The following PCDHGA1 variants were observed in gnomAD, a reference collection of about 807,000 sequenced individuals.
PCDHGA1 encodes the protein protocadherin gamma subfamily A, 1.
Under a neutral mutation model 58.0 loss-of-function variants are expected in PCDHGA1, and 32 were observed. That is an observed-to-expected ratio of 0.55 (90% confidence interval 0.42 to 0.74). The LOEUF (loss-of-function observed/expected upper bound fraction) is 0.74, where lower values mean the gene tolerates loss of function less well. Among genes scored for constraint, PCDHGA1 ranks in the 30% least tolerant of loss-of-function variants. PCDHGA1 has a pLI of 0.00. For synonymous variants in PCDHGA1, 498 were observed against 501.1 expected (o/e 0.99, Z 0.08); for missense variants, 1,205 against 1,182.3 (o/e 1.02, Z -0.28).
In PCDHGA1 at chr5:141,511,580, G is replaced by A. The variant is rs1436011320; in HGVS notation, c.*407G>A. ...CTCTTTCCCGAGTAAGGTGGTTGGG[G>A]TGTTGAAGTACCAAGTAACCTACAA... On this transcript the variant is annotated 3_prime_UTR_variant, in exon 4 of 4. Coordinates refer to ENST00000517417, the MANE Select transcript of PCDHGA1 (RefSeq NM_018912.3). 2 of 282,206 alleles carry A rather than the reference G, an allele frequency of 7.1e-6. No individual in the cohort carries two copies. Among genetic ancestry groups the A allele is most frequent in the Admixed American group, 4.6e-5 (1 of 21,516 alleles). The allele number at this position is 282,206 out of a possible 1,614,324, so 17.5% of individuals were successfully genotyped here.
intron 1 of PCDHGA1, chr5:141,388,735 C>A: frequency 6.2e-7 from 1 of 1,613,974 alleles, no homozygotes; most frequent in East Asian, 2.2e-5. Context: ...TTCAGTGAAG[C>A]TAGCCAGATC....
intron 1 of PCDHGA1, chr5:141,360,565 G>T (rs180935383): frequency 6.2e-7 from 1 of 1,613,894 alleles, no homozygotes. Context: ...AAAAATTGGC[G>T]AATCCACTAA....
At chr5:141,376,678 T>C in intron 1 of PCDHGA1, 2 of 277,706 alleles carry the variant, frequency 7.2e-6, no homozygotes, top group East Asian at 7.3e-5. Flanking sequence ...AGGGTATCGT[T>C]TTTTTTTTTT....
intron 1 of PCDHGA1, chr5:141,433,110 G>T (rs1031253372): frequency 1.2e-6 from 2 of 1,614,098 alleles, no homozygotes; most frequent in East Asian, 4.5e-5. Context: ...AGCCAGGAGA[G>T]CTTTGAAAAA....
intron 1 of PCDHGA1, chr5:141,400,577 T>G: frequency 6.2e-7 from 1 of 1,611,914 alleles, no homozygotes; most frequent in East Asian, 2.2e-5. Flanking sequence ...TTTTCTGTAT[T>G]TACATGAAAC....
chr5:141,478,685 A>G, intron 1 of PCDHGA1: 3 of 1,551,308 alleles, frequency 1.9e-6, no homozygotes, highest in Non-Finnish European at 2.6e-6. Context: ...GGCCCTTCCT[A>G]GATCAAAGTT....
chr5:141,381,417 G>A (rs954058342), intron 1 of PCDHGA1, among the ~76,000 whole-genome samples: 1 of 152,214 alleles, frequency 6.6e-6, no homozygotes, highest in Admixed American at 6.5e-5. Context: ...GTGGAGAGAC[G>A]AGTACCTCTA....
Position 141,432,442 on chromosome 5 carries a change from G to A in PCDHGA1, c.2422-62365G>A. 1 of 1,614,228 alleles carries A rather than the reference G, an allele frequency of 6.2e-7. No individual in the cohort carries two copies. Among genetic ancestry groups the A allele is most frequent in the Non-Finnish European group, 8.5e-7 (1 of 1,180,042 alleles). On this transcript the variant is annotated intron_variant, in intron 1 of 3. Transcript: ENST00000517417. The surrounding 1 kb of genome is among the most constrained non-coding windows in gnomAD (Gnocchi z 6.0). ...TGGACCAGAACGACAATGCGCCCGA[G>A]ATCCTGTACCCCGCCCTCCCCACGG...
At chr5:141,355,761 T>C in intron 1 of PCDHGA1, 2 of 1,613,946 alleles carry the variant, frequency 1.2e-6, no homozygotes, top group Non-Finnish European at 1.7e-6. Context: ...GTGGGGCCGA[T>C]GGGATTAAGT....
At position 141,332,829 on chromosome 5, in the gene PCDHGA1, G is replaced by T; in HGVS notation, c.2145G>T (p.Arg715Ser). Residue 715 changes from arginine to serine, a missense_variant, in exon 1 of 4, where the codon AGG (arginine) becomes AGT (serine). By Grantham distance (110) the Arg-to-Ser change is moderately radical. Coordinates refer to ENST00000517417, the MANE Select transcript of PCDHGA1 (RefSeq NM_018912.3). The surrounding 1 kb of genome is among the most constrained non-coding windows in gnomAD (Gnocchi z 4.6). ...TCGTCATCGTGCTGCTGGCGCACAG[G>T]CTGCGGCGCTGGCACAAGTCACGTC... ...LAFVIVLLAH[R>S]LRRWHKSRLL... is the part of the protein sequence containing the mutation. 6.2e-7 allele frequency: 1 copy of T among 1,614,230 alleles called. No homozygotes were observed. Among genetic ancestry groups the T allele is most frequent in the Non-Finnish European group, 8.5e-7 (1 of 1,180,050 alleles).
At chr5:141,499,835 C>T (rs931946377) in intron 2 of PCDHGA1, among the ~76,000 whole-genome samples, 2 of 151,916 alleles carry the variant, frequency 1.3e-5, no homozygotes, top group Admixed American at 6.6e-5. Flanking sequence ...TACAGGTGTG[C>T]ACCACCACAC....
Position 141,331,801 on chromosome 5 carries a change from G to T in PCDHGA1, c.1117G>T (p.Asp373Tyr). The T allele has an allele frequency of 6.2e-7, 1 of 1,614,102 alleles. No homozygotes were observed. Among genetic ancestry groups the T allele is most frequent in the South Asian group, 1.1e-5 (1 of 91,040 alleles). The change falls in exon 1 of 4, where the codon GAC becomes TAC. Residue 373 changes from aspartate to tyrosine, a missense_variant. By Grantham distance (160) the Asp-to-Tyr change is radical. Coordinates refer to ENST00000517417, the MANE Select transcript of PCDHGA1 (RefSeq NM_018912.3). Reference protein sequence around the residue: ...GTIIALISVHDQDSGDNGYTT... With the variant: ...GTIIALISVHYQDSGDNGYTT... ...CATAATTGCTCTTATCAGTGTGCAT[G>T]ACCAGGACTCAGGAGACAATGGCTA...
At chr5:141,403,196 G>A (rs762413220) in intron 1 of PCDHGA1, 6 of 1,613,986 alleles carry the variant, frequency 3.7e-6, no homozygotes, top group East Asian at 4.5e-5. Flanking sequence ...CCCGCGCAGC[G>A]GCACCTTGGT....
chr5:141,435,194 C>G (rs538114313), intron 1 of PCDHGA1, among the ~76,000 whole-genome samples: 85 of 152,214 alleles, frequency 5.6e-4, no homozygotes, highest in Middle Eastern at 6.8e-3. Flanking sequence ...AGATGGCTAG[C>G]AAATTCATAA....
chr5:141,375,239 A>G, intron 1 of PCDHGA1: 2 of 1,613,974 alleles, frequency 1.2e-6, no homozygotes, highest in Admixed American at 1.7e-5. Context: ...AACCTGTTCC[A>G]TCCCGAGAAG....
At chr5:141,363,029 C>T (rs139317097) in intron 1 of PCDHGA1, among the ~76,000 whole-genome samples, 7 of 152,336 alleles carry the variant, frequency 4.6e-5, no homozygotes, top group African/African-American at 1.7e-4. Context: ...GACATTGTCC[C>T]ATTGACTTGA....
In PCDHGA1 at chr5:141,331,517, C is replaced by T; in HGVS notation, c.833C>T (p.Thr278Met). Residue 278 changes from threonine (T) to methionine (M), a missense_variant, in exon 1 of 4, where the codon ACG becomes ATG. Coordinates refer to ENST00000517417, the MANE Select transcript of PCDHGA1 (RefSeq NM_018912.3). ...GATGAGGGAGCCAATGGGGAAGTAA[C>T]GTACTCCTTTCACAATGTAGACCAC... Reference protein sequence around the residue: ...DPDEGANGEVTYSFHNVDHRV... With the variant: ...DPDEGANGEVMYSFHNVDHRV... 1 of 1,614,168 alleles carries T rather than the reference C, an allele frequency of 6.2e-7. No individual in the cohort carries two copies. The highest frequency in any genetic ancestry group is 8.5e-7 in the Non-Finnish European group (1 of 1,180,036).
rs373163257 is a variant in PCDHGA1 at position 141,383,286 on chromosome 5, C to A, written c.2421+50181C>A. 1 of 1,613,888 alleles carries A rather than the reference C, an allele frequency of 6.2e-7. No individual in the cohort carries two copies. The highest frequency in any genetic ancestry group is 8.5e-7 in the Non-Finnish European group (1 of 1,179,856). Reference sequence around the variant, plus strand: ...TGGAAATAATAGATATTAATGACAACGTTCCAAGATTCTTGACGGAAGAAA... The same window carrying A: ...TGGAAATAATAGATATTAATGACAAAGTTCCAAGATTCTTGACGGAAGAAA... On this transcript the variant is annotated intron_variant, in intron 1 of 3. Transcript: ENST00000517417.
At chr5:141,443,317 C>CAA (rs35054295) in intron 1 of PCDHGA1, among the ~76,000 whole-genome samples, 2,546 of 141,926 alleles carry the variant, frequency 0.018, 55 homozygotes, top group African/African-American at 0.052. Flanking sequence ...CCCATCTCTA[C>CAA]AAAAAAAAAA....
Sources: gnomAD v4.1 joint callset for allele counts (sites outside exome capture counted in the v4.1 genomes callset) on GRCh38, gnomAD v4.1.1 for gene constraint, Gnocchi (gnomAD v3.1) non-coding constraint, MANE v1.5 for transcripts, NCBI Gene and HGNC (gene_info 2026-07-23, HGNC 2026-07-21) for gene names.